The following SYNE1 variants were observed in gnomAD, a reference collection of about 807,000 sequenced individuals.
The protein encoded by SYNE1 is nesprin-1.
SYNE1 carries 616 observed loss-of-function variants against 1,111.0 expected under a neutral mutation model. That is an observed-to-expected ratio of 0.55 (90% confidence interval 0.52 to 0.59). SYNE1 has a LOEUF of 0.59. Among genes scored for constraint, SYNE1 ranks in the 20% least tolerant of loss-of-function variants. The pLI, the probability that SYNE1 is intolerant of heterozygous loss-of-function variation, is 0.00. For missense variants in SYNE1, 10,006 were observed against 10,417.0 expected, an observed-to-expected ratio of 0.96 and a Z score of 1.72; for synonymous variants, 3,855 against 3,825.8, an observed-to-expected ratio of 1.01 and a Z score of -0.28.
Position 152,141,251 on chromosome 6 carries a change from TCTC to T in SYNE1, c.25195_25197del (p.Glu8399del), listed in dbSNP as rs2058487534. 1.2e-6 allele frequency: 2 copies of T among 1,614,134 alleles called. No homozygotes were observed. The highest frequency in any genetic ancestry group is 1.7e-6 in the Non-Finnish European group (2 of 1,180,008). ...TGCAGGTTAACAAAGCCAGGAAGGC[TCTC>T]CTCTTCCTCCTTCAGTTTGTGCTCC... On this transcript the variant is annotated inframe_deletion, in exon 139 of 146. Transcript: ENST00000367255.
intron 3 of SYNE1, among the ~76,000 whole-genome samples, chr6:152,609,271 T>C (rs1472082594): frequency 6.6e-6 from 1 of 152,012 alleles, no homozygotes; most frequent in Non-Finnish European, 1.5e-5. Flanking sequence ...CTCGCCCAAA[T>C]ACTGCACTTT....
chr6:152,492,528 C>A (rs948677224), intron 11 of SYNE1, among the ~76,000 whole-genome samples: 1 of 152,220 alleles, frequency 6.6e-6, no homozygotes, highest in Non-Finnish European at 1.5e-5. Flanking sequence ...ATGACCACAG[C>A]CTGGGATTCC....
chr6:152,297,690 A>G (rs1314306844), intron 93 of SYNE1, among the ~76,000 whole-genome samples: 1 of 152,210 alleles, frequency 6.6e-6, no homozygotes, highest in Non-Finnish European at 1.5e-5. Flanking sequence ...AACATTTTAC[A>G]TTAGATACTC....
intron 2 of SYNE1, among the ~76,000 whole-genome samples, chr6:152,631,564 C>T (rs1565312098): frequency 1.3e-5 from 2 of 152,128 alleles, no homozygotes; most frequent in Admixed American, 6.6e-5. Context: ...AAGGACAAAA[C>T]TGGAAGATCC....
intron 8 of SYNE1, among the ~76,000 whole-genome samples, chr6:152,509,476 C>T (rs1344707224): frequency 1.3e-5 from 2 of 151,992 alleles, no homozygotes; most frequent in Non-Finnish European, 2.9e-5. Context: ...AGGCTGGTCT[C>T]GATCTCCTGA....
At position 152,304,872 on chromosome 6, in the gene SYNE1, T is replaced by C. The variant is rs2095324594; in HGVS notation, c.17347-2809A>G. On this transcript the variant is annotated intron_variant, in intron 91 of 145. Coordinates refer to ENST00000367255, the MANE Select transcript of SYNE1 (RefSeq NM_182961.4). The stretch of plus-strand genomic sequence containing the variant: ...CTGATTTACCAGGTGTATGACAGTC[T>C]GCACTTCATAATTAGCCCATGTGAC... Among the ~76,000 whole-genome samples the C allele has an allele frequency of 3.3e-5, 5 of 152,210 alleles. No individual in the cohort carries two copies. The South Asian group carries it at 1.0e-3, about 32-fold the overall frequency.
At chr6:152,142,651 T>C (rs760390651) in intron 138 of SYNE1, among the ~76,000 whole-genome samples, 5 of 152,230 alleles carry the variant, frequency 3.3e-5, no homozygotes, top group Non-Finnish European at 7.3e-5. Flanking sequence ...AGGTTAAGTG[T>C]AATCCCAGTG....
intron 74 of SYNE1, among the ~76,000 whole-genome samples, chr6:152,341,109 G>A (rs1218868432): frequency 6.6e-6 from 1 of 152,038 alleles, no homozygotes; most frequent in African/African-American, 2.4e-5. Context: ...GTGTTCCTGT[G>A]GATATAATAA....
chr6:152,562,195 C>T (rs1359628927), intron 3 of SYNE1, among the ~76,000 whole-genome samples: 1 of 152,024 alleles, frequency 6.6e-6, no homozygotes, highest in Non-Finnish European at 1.5e-5. Flanking sequence ...ATGTTAGAAA[C>T]TCAAAAACTA....
chr6:152,386,948 C>T, intron 54 of SYNE1, 124 bp downstream of exon 54: 2 of 840,734 alleles, frequency 2.4e-6, no homozygotes, highest in Admixed American at 3.2e-5. Context: ...AGCCAATTCT[C>T]CAACAATTTA....
intron 65 of SYNE1, among the ~76,000 whole-genome samples, chr6:152,359,056 T>C (rs1007600838): frequency 1.3e-5 from 2 of 152,206 alleles, no homozygotes; most frequent in Non-Finnish European, 2.9e-5. Flanking sequence ...CAATTGAAGG[T>C]GTCCAGAATT....
Position 152,367,350 on chromosome 6 carries a change from T to G in SYNE1, c.9840A>C (p.Ala3280=). ...TCCCAAGAGAGAACTGATTGTGTTC[T>G]GCAACGATTCTATCCAGTCTTGACA... ...EKVSRLDRIV[A]EHNQFSLGIK... is the part of the protein sequence containing the mutation. Residue 3280 remains alanine (A), a synonymous_variant, in exon 62 of 146, where the codon GCA becomes GCC. Coordinates refer to ENST00000367255, the MANE Select transcript of SYNE1 (RefSeq NM_182961.4). 6.2e-7 allele frequency: 1 copy of G among 1,614,218 alleles called. No homozygotes were observed. The highest frequency in any genetic ancestry group is 1.1e-5 in the South Asian group (1 of 91,092).
rs200005134 is a variant in SYNE1, at chr6:152,628,584, T to TA, written c.-223-31dup. On this transcript the variant is annotated intron_variant, in intron 2 of 145. Transcript: ENST00000367255. Reference sequence around the variant, plus strand: ...AAAACAAAAAAGAAAAGGTACAACATAAAAAAAAAATCTACGAAGGTCACC... The same window carrying TA: ...AAAACAAAAAAGAAAAGGTACAACATAAAAAAAAAAATCTACGAAGGTCACC... 26,700 of 462,340 alleles carry TA rather than the reference T, an allele frequency of 0.058. 723 individuals carry two copies. Among genetic ancestry groups the TA allele is most frequent in the East Asian group, 0.14 (3,955 of 27,808 alleles). 28.6% of individuals were successfully genotyped at this position (462,340 alleles called of 1,614,324 possible).
At chr6:152,302,152 A>G in intron 91 of SYNE1, 89 bp from the exon 92 acceptor site, 2 of 1,573,448 alleles carry the variant, frequency 1.3e-6, no homozygotes, top group East Asian at 2.2e-5. Context: ...GGGCGAGCCA[A>G]TGAGCGCGCA....
At chr6:152,159,382 A>T (rs1299446471) in intron 131 of SYNE1, among the ~76,000 whole-genome samples, 1 of 152,234 alleles carries the variant, frequency 6.6e-6, no homozygotes, top group Non-Finnish European at 1.5e-5. Context: ...AGTGAGGCCA[A>T]GATCTGAACC....
intron 128 of SYNE1, among the ~76,000 whole-genome samples, chr6:152,182,149 A>T (rs928337542): frequency 6.6e-6 from 1 of 152,158 alleles, no homozygotes; most frequent in African/African-American, 2.4e-5. Flanking sequence ...TATATATACA[A>T]TGGGCTTGTT....
At chr6:152,209,974 C>T (rs1362303443) in intron 124 of SYNE1, among the ~76,000 whole-genome samples, 3 of 152,120 alleles carry the variant, frequency 2.0e-5, no homozygotes, top group Admixed American at 6.5e-5. Context: ...TACCAGGTAA[C>T]CATCCAAGGC....
intron 14 of SYNE1, among the ~76,000 whole-genome samples, chr6:152,476,835 C>T (rs1414746820): frequency 1.3e-5 from 2 of 149,836 alleles, no homozygotes; most frequent in African/African-American, 4.9e-5. Flanking sequence ...CACCACTACA[C>T]TCCCGCCTCG....
At chr6:152,422,893 C>A (rs545205567) in intron 39 of SYNE1, among the ~76,000 whole-genome samples, 3 of 152,280 alleles carry the variant, frequency 2.0e-5, no homozygotes, top group African/African-American at 7.2e-5. Flanking sequence ...TTTTAAGTTT[C>A]AAAATGGGAA....
Sources: gnomAD v4.1 joint callset for allele counts (sites outside exome capture counted in the v4.1 genomes callset) on GRCh38, gnomAD v4.1.1 for gene constraint, MANE v1.5 for transcripts, NCBI Gene and HGNC (gene_info 2026-07-23, HGNC 2026-07-21) for gene names.